The following MADD variants were observed in gnomAD, a reference collection of about 807,000 sequenced individuals.
MADD encodes the protein MAP kinase-activating death domain protein.
In MADD, 109 loss-of-function variants were observed where a neutral mutation model predicts 176.7. That is an observed-to-expected ratio of 0.62 (90% CI 0.53 to 0.72). MADD has a LOEUF of 0.72. Among genes scored for constraint, MADD ranks in the 30% least tolerant of loss-of-function variants. The probability of loss-of-function intolerance (pLI) is 0.00; values close to 1 mark genes in which losing one functional copy is unlikely to be tolerated. For synonymous variants in MADD, 771 were observed against 771.3 expected (o/e 1.00, Z 0.01); for missense variants, 1,914 against 2,045.5 (o/e 0.94, Z 1.24).
chr11:47,297,816 T>C (rs1412399668), intron 22 of MADD, among the ~76,000 whole-genome samples: 3 of 133,070 alleles, frequency 2.3e-5, no homozygotes, highest in African/African-American at 8.9e-5. Context: ...TGAGATAGAA[T>C]CTTGCTCTGT....
chr11:47,280,590 A>G (rs2055601092), intron 7 of MADD, among the ~76,000 whole-genome samples: 1 of 152,140 alleles, frequency 6.6e-6, no homozygotes, highest in Admixed American at 6.6e-5. Context: ...TTTGAGATGG[A>G]GTCCCACTCT....
chr11:47,290,843 G>A (rs1203627868), intron 19 of MADD, 27 bp downstream of exon 20: 1 of 1,561,924 alleles, frequency 6.4e-7, no homozygotes, highest in Non-Finnish European at 8.8e-7. Context: ...TTGGTGTGGT[G>A]GAGGGGTCCT....
chr11:47,328,575 C>G, intron 31 of MADD, 83 bp from the exon 36 acceptor site: 1 of 1,594,356 alleles, frequency 6.3e-7, no homozygotes, highest in Non-Finnish European at 8.5e-7. Flanking sequence ...ACCCTGACGC[C>G]GGGCGCTGCC....
At position 47,308,652 on chromosome 11, in the gene MADD, C is replaced by T. The variant is rs750612848; in HGVS notation, c.3704C>T (p.Thr1235Ile). ...AAGCTGGCAGGCAGCCCCATTCGTA[C>T]TTCTGAAGATGTGAGCCAGCGAGTC... Residue 1235 changes from threonine to isoleucine, a missense_variant, in exon 23 of 33, where the codon ACT becomes ATT. Coordinates refer to ENST00000402192, the Ensembl canonical transcript of MADD. 7 of 1,614,086 alleles carry T rather than the reference C, an allele frequency of 4.3e-6. No homozygotes were observed. The highest frequency in any genetic ancestry group is 5.1e-6 in the Non-Finnish European group (6 of 1,179,986).
At chr11:47,326,644 T>G (rs1156903887) in intron 30 of MADD, 92 bp downstream of exon 34, 3 of 1,537,726 alleles carry the variant, frequency 2.0e-6, no homozygotes, top group Non-Finnish European at 2.6e-6. Flanking sequence ...ATAGACTTTC[T>G]TTGTGTGGGT....
At chr11:47,269,814 T>C (rs1465796499), upstream of MADD, 1 of 152,116 alleles carries the variant, frequency 6.6e-6, no homozygotes, top group African/African-American at 2.4e-5. Flanking sequence ...GCCGATTATC[T>C]TGGGAAGTGA....
intron 19 of MADD, among the ~76,000 whole-genome samples, 181 bp downstream of exon 20, chr11:47,290,997 C>A (rs546977322): frequency 1.8e-4 from 27 of 152,102 alleles, no homozygotes; most frequent in African/African-American, 6.3e-4. Flanking sequence ...ATGCTTCATC[C>A]ACAGCCACCC....
At chr11:47,295,752 A>G (rs2139288993) in intron 21 of MADD, 145 bp from the exon 24 acceptor site, 2 of 1,519,674 alleles carry the variant, frequency 1.3e-6, no homozygotes, top group Admixed American at 2.2e-5. Context: ...AGAGCTTCTC[A>G]TCTTATAAAG....
At chr11:47,287,132 T>C (rs1046547121) in intron 15 of MADD, among the ~76,000 whole-genome samples, 4 of 152,202 alleles carry the variant, frequency 2.6e-5, no homozygotes, top group African/African-American at 9.7e-5. Context: ...GAGACCAGAC[T>C]GACCAACATG....
chr11:47,297,572 A>C (rs2073748516), intron 22 of MADD, among the ~76,000 whole-genome samples: 1 of 147,138 alleles, frequency 6.8e-6, no homozygotes, highest in African/African-American at 2.5e-5. Context: ...TCAGCCTCCC[A>C]AGTAGCTGGG....
Position 47,277,705 on chromosome 11 carries a change from C to T in MADD, c.1096-460C>T, listed in dbSNP as rs955061736. On this transcript the variant is annotated intron_variant, in intron 5 of 32. Coordinates refer to ENST00000402192, the Ensembl canonical transcript of MADD. ...AAAATAAGGGTTACTTGAACACAAA[C>T]GCTGAGATTGTGTGACAGTTGATCT... Among the ~76,000 whole-genome samples, 12 of 152,238 alleles carry T rather than the reference C, an allele frequency of 7.9e-5. No individual in the cohort carries two copies. The East Asian group carries it at 9.6e-4, about 12-fold the overall frequency.
intron 22 of MADD, among the ~76,000 whole-genome samples, chr11:47,302,906 G>T (rs2079029361): frequency 6.6e-6 from 1 of 151,972 alleles, no homozygotes; most frequent in East Asian, 1.9e-4. Context: ...TTTCTCCTTT[G>T]TGTGTCTGTT....
intron 27 of MADD, among the ~76,000 whole-genome samples, chr11:47,318,607 C>T (rs1471151946): frequency 6.6e-6 from 1 of 152,122 alleles, no homozygotes; most frequent in African/African-American, 2.4e-5. Flanking sequence ...CATGCTAAGT[C>T]TCTGGAGTGT....
At chr11:47,278,512 A>AC (rs60774369) in intron 6 of MADD, among the ~76,000 whole-genome samples, 5,096 of 152,128 alleles carry the variant, frequency 0.033, 119 homozygotes, top group South Asian at 0.12. Context: ...GAATTAAGTG[A>AC]CCCCCCACCA....
chr11:47,281,512 G>A, intron 7 of MADD, 63 bp from the exon 8 acceptor site: 1 of 1,384,922 alleles, frequency 7.2e-7, no homozygotes, highest in Non-Finnish European at 9.8e-7. Context: ...TTTCCTTGGA[G>A]TTAAGATTGG....
At chr11:47,277,194 T>A (rs955463646) in intron 5 of MADD, among the ~76,000 whole-genome samples, 1 of 152,196 alleles carries the variant, frequency 6.6e-6, no homozygotes, top group African/African-American at 2.4e-5. Context: ...AGTTCCAAAC[T>A]CTATAGATAC....
At chr11:47,329,902 C>T (rs1449155197) in exon 33 of MADD, 1 of 152,670 alleles carries the variant, frequency 6.6e-6, no homozygotes, top group Non-Finnish European at 1.5e-5. Context: ...GGCTGTCTCT[C>T]CAGGCACGGG....
rs576352144 is a variant in MADD, at chr11:47,290,140, T to C, written c.2944-9T>C. The C allele has an allele frequency of 8.1e-6, 13 of 1,613,714 alleles. No individual in the cohort carries two copies. The highest frequency in any genetic ancestry group is 6.7e-5 in the African/African-American group (5 of 75,012). On this transcript the variant is annotated splice_polypyrimidine_tract_variant and intron_variant, in intron 17 of 32. Coordinates refer to ENST00000402192, the Ensembl canonical transcript of MADD. The stretch of plus-strand genomic sequence containing the variant: ...TTTGCCAACGCTAGCCCCTGGGTTA[T>C]TGTTGCAGGAGATCAGTCGGAAGGT...
chr11:47,326,919 C>CA (rs1220431815), intron 31 of MADD, 112 bp downstream of exon 35: 30 of 1,496,362 alleles, frequency 2.0e-5, no homozygotes, highest in Non-Finnish European at 2.7e-5. Flanking sequence ...GTAGAGAAGT[C>CA]AGGAGGAGCA....
Sources: gnomAD v4.1 joint callset for allele counts (sites outside exome capture counted in the v4.1 genomes callset) on GRCh38, gnomAD v4.1.1 for gene constraint, MANE v1.5 for transcripts, NCBI Gene and HGNC (gene_info 2026-07-23, HGNC 2026-07-21) for gene names.